The following DUSP14 variants were observed in gnomAD, a reference collection of about 807,000 sequenced individuals.
The protein encoded by DUSP14 is dual specificity protein phosphatase 14.
A neutral mutation model predicts 13.2 loss-of-function variants in DUSP14; 5 were observed. That is an observed-to-expected ratio of 0.38 (90% CI 0.20 to 0.80). The LOEUF (loss-of-function observed/expected upper bound fraction) is 0.80. Ranked by LOEUF, DUSP14 falls within the 30% of genes least tolerant of loss-of-function variation. The probability of loss-of-function intolerance (pLI) is 0.44; values close to 1 mark genes in which losing one functional copy is unlikely to be tolerated. For missense variants in DUSP14, 185 were observed against 264.0 expected, an observed-to-expected ratio of 0.70 and a Z score of 2.07; for synonymous variants, 91 against 103.4, an observed-to-expected ratio of 0.88 and a Z score of 0.73.
chr17:37,500,287 A>G (rs1370708924), intron 1 of DUSP14, among the ~76,000 whole-genome samples: 1 of 152,224 alleles, frequency 6.6e-6, no homozygotes, highest in African/African-American at 2.4e-5. Context: ...CATAGGGTGA[A>G]GGTTGAAACT....
In DUSP14 at chr17:37,509,104, C is replaced by CATATATATATATATGTGTGTATAT. The variant is rs1270927245; in HGVS notation, c.-180-1559_-180-1558insGTGTGTATATATATATATATATAT. 6.9e-4 allele frequency among the ~76,000 whole-genome samples: 25 copies of CATATATATATATATGTGTGTATAT among 36,030 alleles called. 6 individuals carry two copies. The highest frequency in any genetic ancestry group is 1.5e-3 in the African/African-American group (8 of 5,356). 23.6% of individuals were successfully genotyped at this position (36,030 alleles called of 152,430 possible). A position where few individuals can be genotyped will look rare whatever the true frequency, so the allele number is the denominator to read the frequency against. ...AGCCAGACCAAAAAAAAAAAAAACC[C>CATATATATATATATGTGTGTATAT]ATATATATATATATATATATATATA... On this transcript the variant is annotated intron_variant, in intron 1 of 2. Transcript: ENST00000617516.
Position 37,513,451 on chromosome 17 carries a change from C to T in DUSP14, c.*582C>T, listed in dbSNP as rs1186416950. ...AAAATCTCTCTTGGAATCCATGTGC[C>T]CAGGATTATATTAGCATTATTTTTA... On this transcript the variant is annotated 3_prime_UTR_variant, in exon 3 of 3. Coordinates refer to ENST00000617516, the MANE Select transcript of DUSP14 (RefSeq NM_007026.4). 2 of 167,018 alleles carry T rather than the reference C, an allele frequency of 1.2e-5. No homozygotes were observed. The highest frequency in any genetic ancestry group is 2.1e-4 in the South Asian group (1 of 4,820). 10.3% of individuals were successfully genotyped at this position (167,018 alleles called of 1,614,324 possible). A position where few individuals can be genotyped will look rare whatever the true frequency, so the allele number is the denominator to read the frequency against.
intron 1 of DUSP14, chr17:37,491,447 C>A (rs888037310): frequency 6.6e-6 from 1 of 152,150 alleles, no homozygotes; most frequent in Admixed American, 6.5e-5. Context: ...GGGCCCTATT[C>A]CTGCCTCCAG....
intron 1 of DUSP14, chr17:37,510,092 T>C (rs1327486282): frequency 1.3e-5 from 2 of 152,220 alleles, no homozygotes; most frequent in Admixed American, 1.3e-4. Flanking sequence ...GCACCGCCTG[T>C]AATTAGCGTT....
At chr17:37,510,226 C>T (rs1266250216) in intron 1 of DUSP14, 1 of 152,314 alleles carries the variant, frequency 6.6e-6, no homozygotes, top group Non-Finnish European at 1.5e-5. Context: ...AGGCACAGGG[C>T]TGCTTGGCTC....
chr17:37,490,397 A>G (rs1024456759), intron 1 of DUSP14, among the ~76,000 whole-genome samples: 2 of 152,200 alleles, frequency 1.3e-5, no homozygotes, highest in African/African-American at 2.4e-5. Flanking sequence ...GTGCATGGAT[A>G]GAAGCAACTT....
intron 1 of DUSP14, among the ~76,000 whole-genome samples, chr17:37,509,297 A>AGTGTGTGTGT (rs71135737): frequency 9.0e-4 from 24 of 26,750 alleles, no homozygotes; most frequent in African/African-American, 2.6e-3. Context: ...ATATATATAT[A>AGTGTGTGTGT]GTGTGTGTGT....
At chr17:37,496,750 C>T (rs2054067826) in intron 1 of DUSP14, among the ~76,000 whole-genome samples, 1 of 151,566 alleles carries the variant, frequency 6.6e-6, no homozygotes, top group African/African-American at 2.4e-5. Context: ...GAGATTCCAT[C>T]TCAAACAAAC....
intron 1 of DUSP14, among the ~76,000 whole-genome samples, chr17:37,507,056 G>A (rs985372623): frequency 5.9e-5 from 9 of 152,142 alleles, no homozygotes; most frequent in African/African-American, 2.2e-4. Flanking sequence ...CTAGAAATCC[G>A]GACACCTTCC....
chr17:37,496,657 G>A (rs2143062038), intron 1 of DUSP14, among the ~76,000 whole-genome samples: 1 of 152,270 alleles, frequency 6.6e-6, no homozygotes, highest in South Asian at 2.1e-4. Flanking sequence ...CAGAGGCTGA[G>A]ACAGAGAATT....
At chr17:37,494,182 A>G (rs1252243026) in intron 1 of DUSP14, among the ~76,000 whole-genome samples, 16 of 151,820 alleles carry the variant, frequency 1.1e-4, no homozygotes, top group Non-Finnish European at 1.5e-5. Context: ...TTTAGTAGAG[A>G]CGGGGTTTCA....
At chr17:37,502,436 G>A (rs1188338363) in intron 1 of DUSP14, among the ~76,000 whole-genome samples, 3 of 149,914 alleles carry the variant, frequency 2.0e-5, no homozygotes, top group African/African-American at 4.9e-5. Context: ...CTTCCACTTC[G>A]GCCTCCTAAA....
chr17:37,512,467 T>G lies in DUSP14; in HGVS notation c.195T>G (p.Asn65Lys). ...TTAATGCTACCATTGAGATCCCTAA[T>G]TTCAACTGGCCCCAATTTGAGTATG... ...CIVNATIEIP[N>K]FNWPQFEYVK... The change falls in exon 3 of 3, where the codon AAT becomes AAG. Residue 65 changes from asparagine (N) to lysine (K), a missense_variant. Asn to Lys is a moderately conservative substitution (Grantham distance 94, BLOSUM62 0). Coordinates refer to ENST00000617516, the MANE Select transcript of DUSP14 (RefSeq NM_007026.4). This position sits in a 1 kb window ranked among gnomAD's most constrained non-coding sequence, Gnocchi z 4.8. The G allele has an allele frequency of 6.2e-7, 1 of 1,614,200 alleles. No individual in the cohort carries two copies. Among genetic ancestry groups the G allele is most frequent in the Non-Finnish European group, 8.5e-7 (1 of 1,180,040 alleles).
upstream of DUSP14, among the ~76,000 whole-genome samples, chr17:37,489,284 G>C (rs1392491082): frequency 6.6e-6 from 1 of 152,122 alleles, no homozygotes; most frequent in East Asian, 1.9e-4. Flanking sequence ...CGTGGCGAGA[G>C]CAGGTGGAGA....
chr17:37,488,951 G>C (rs2148067371), upstream of DUSP14, among the ~76,000 whole-genome samples: 1 of 152,302 alleles, frequency 6.6e-6, no homozygotes, highest in African/African-American at 2.4e-5. Context: ...GAGGAGCAGG[G>C]GCTGGTGAGT....
At chr17:37,493,403 C>T (rs2054042025) in intron 1 of DUSP14, among the ~76,000 whole-genome samples, 1 of 152,178 alleles carries the variant, frequency 6.6e-6, no homozygotes. Flanking sequence ...TAGTTGATAC[C>T]TGGTTTCCAA....
chr17:37,508,838 C>T (rs1450842995), intron 1 of DUSP14, among the ~76,000 whole-genome samples: 2 of 146,878 alleles, frequency 1.4e-5, no homozygotes, highest in South Asian at 2.2e-4. Flanking sequence ...TGTCATAGGA[C>T]CCAGCCCTTC....
At chr17:37,503,842 T>C (rs1283117318) in intron 1 of DUSP14, among the ~76,000 whole-genome samples, 1 of 152,192 alleles carries the variant, frequency 6.6e-6, no homozygotes, top group Admixed American at 6.5e-5. Context: ...GCTTATCTAG[T>C]GTACTGCCCC....
intron 1 of DUSP14, among the ~76,000 whole-genome samples, chr17:37,502,127 C>T (rs1272885691): frequency 6.6e-6 from 1 of 152,142 alleles, no homozygotes; most frequent in East Asian, 1.9e-4. Context: ...AGCTCTAAAA[C>T]TCGTTGTAAA....
Sources: allele counts gnomAD v4.1 joint callset (sites outside exome capture counted in the v4.1 genomes callset), GRCh38; gene constraint gnomAD v4.1.1; non-coding constraint Gnocchi (gnomAD v3.1); transcripts MANE v1.5; gene names NCBI Gene and HGNC (gene_info 2026-07-23, HGNC 2026-07-21).